Variants in GPS2 observed in about 807,000 individuals in gnomAD.
GPS2 encodes the protein GPS-2.
Under a neutral mutation model 48.1 loss-of-function variants are expected in GPS2, and 22 were observed. The observed-to-expected ratio is 0.46, with a 90% CI of 0.33 to 0.65. The LOEUF is 0.65. Ranked by LOEUF, GPS2 falls within the 30% of genes least tolerant of loss-of-function variation. The pLI, the probability that GPS2 is intolerant of heterozygous loss-of-function variation, is 0.03. For synonymous variants in GPS2, 202 were observed against 142.5 expected, an observed-to-expected ratio of 1.42 and a Z score of -2.98; for missense variants, 366 against 406.8, an observed-to-expected ratio of 0.90 and a Z score of 0.86.
chr17:7,312,794 T>G lies in GPS2; in HGVS notation c.946A>C (p.Ile316Leu). 1 of 1,614,070 alleles carries G rather than the reference T, an allele frequency of 6.2e-7. No individual in the cohort carries two copies. The highest frequency in any genetic ancestry group is 8.5e-7 in the Non-Finnish European group (1 of 1,179,992). Residue 316 changes from isoleucine (I) to leucine (L), a missense_variant, in exon 11 of 11, where the codon ATC becomes CTC. Ile to Leu is a conservative substitution (Grantham distance 5, BLOSUM62 2). This residue lies in a region of GPS2 where 275 missense variants were observed against 282.3 expected (regional missense o/e 0.97). Transcript: ENST00000380728. Reference sequence around the variant, plus strand: ...AATCGCGGGTTCTGGCTGTGTTGGATGAAGGGGAGCCGAGGGCCAGGTTGG... The same window carrying G: ...AATCGCGGGTTCTGGCTGTGTTGGAGGAAGGGGAGCCGAGGGCCAGGTTGG... ...TSQPGPRLPF[I>L]QHSQNPRFYH...
In GPS2 at chr17:7,314,661, G is replaced by A; in HGVS notation, c.95-64C>T. 18 of 1,608,720 alleles carry A rather than the reference G, an allele frequency of 1.1e-5. No homozygotes were observed. In the South Asian group the frequency reaches 1.8e-4, roughly 16 times the overall value. ...GAAAACAATTCCAACGTTACAGATT[G>A]AAGACCAGCAAAACCCAGTCATCCC... On this transcript the variant is annotated intron_variant, in intron 2 of 10. Coordinates refer to ENST00000380728, the MANE Select transcript of GPS2 (RefSeq NM_004489.5).
intron 7 of GPS2, 41 bp downstream of exon 7, chr17:7,313,527 G>T: frequency 6.2e-7 from 1 of 1,613,252 alleles, no homozygotes; most frequent in South Asian, 1.1e-5. Context: ...TTCCTCCTTT[G>T]ACCTTGAGGA....
At position 7,315,112 on chromosome 17, in the gene GPS2, G is replaced by A; in HGVS notation, c.-60C>T. 2 of 1,364,074 alleles carry A rather than the reference G, an allele frequency of 1.5e-6. No individual in the cohort carries two copies. Among genetic ancestry groups the A allele is most frequent in the South Asian group, 1.3e-5 (1 of 75,422 alleles). 84.5% of individuals were successfully genotyped at this position (1,364,074 alleles called of 1,614,324 possible). On this transcript the variant is annotated 5_prime_UTR_variant, in exon 2 of 11. Transcript: ENST00000380728. ...GGCTGTCTCTGACTGCCAGACCTCA[G>A]ACGGGGCCTGCGGGGAGGCGGGCGC... is the stretch of plus-strand genomic sequence containing the variant.
Position 7,312,849 on chromosome 17 carries a change from G to GTGA in GPS2, c.901-13_901-11dup. On this transcript the variant is annotated splice_polypyrimidine_tract_variant and intron_variant, in intron 10 of 10. Transcript: ENST00000380728. ...TAGCTGCAAAGCCCGACTGGTGGTG[G>GTGA]TGATGAAAAGAGGGCTTTGTCACTG... 2.5e-6 allele frequency: 4 copies of GTGA among 1,611,904 alleles called. No individual in the cohort carries two copies. Among genetic ancestry groups the GTGA allele is most frequent in the Non-Finnish European group, 3.4e-6 (4 of 1,178,092 alleles).
At position 7,315,114 on chromosome 17, in the gene GPS2, C is replaced by T. The variant is rs1354987619; in HGVS notation, c.-62G>A. 1.5e-6 allele frequency: 2 copies of T among 1,303,764 alleles called. No homozygotes were observed. The highest frequency in any genetic ancestry group is 2.0e-6 in the Non-Finnish European group (2 of 976,818). 80.8% of individuals were successfully genotyped at this position (1,303,764 alleles called of 1,614,324 possible). A position where few individuals can be genotyped will look rare whatever the true frequency, so the allele number is the denominator to read the frequency against. The stretch of plus-strand genomic sequence containing the variant: ...CTGTCTCTGACTGCCAGACCTCAGA[C>T]GGGGCCTGCGGGGAGGCGGGCGCTC... On this transcript the variant is annotated 5_prime_UTR_variant, in exon 2 of 11. Transcript: ENST00000380728.
At position 7,314,410 on chromosome 17, in the gene GPS2, T is replaced by C. The variant is rs992593737; in HGVS notation, c.205-7A>G. ...TCTCCTCCAACTTCAGAATCTGGGA[T>C]GGGGTGGGAAAAGAAGATGAAGGCA... On this transcript the variant is annotated splice_region_variant and splice_polypyrimidine_tract_variant and intron_variant, in intron 3 of 10. Coordinates refer to ENST00000380728, the MANE Select transcript of GPS2 (RefSeq NM_004489.5). 4 of 1,613,952 alleles carry C rather than the reference T, an allele frequency of 2.5e-6. No individual in the cohort carries two copies. The African/African-American group carries it at 5.3e-5, about 22-fold the overall frequency.
At position 7,313,037 on chromosome 17, in the gene GPS2, C is replaced by G. The variant is rs749689174; in HGVS notation, c.892G>C (p.Ala298Pro). 5.8e-6 allele frequency: 9 copies of G among 1,547,222 alleles called. No individual in the cohort carries two copies. The South Asian group carries it at 1.0e-4, about 17-fold the overall frequency. ...SPQLPVQMQP[A>P]GKSGFAATSQ... ...TCTATTACCATTCTTACCTTTCCTG[C>G]TGGCTGCATCTGCACAGGGAGCTGG... Residue 298 changes from alanine (A) to proline (P), a missense_variant, in exon 10 of 11, where the codon GCA becomes CCA. Around this residue, in one of 3 missense-constraint regions of GPS2, gnomAD observed 275 missense variants for 282.3 expected, o/e 0.97. Transcript: ENST00000380728.
rs773982297 is a variant in GPS2, at chr17:7,315,068, G to C, written c.-16C>G. 1.9e-6 allele frequency: 3 copies of C among 1,568,536 alleles called. No homozygotes were observed. The highest frequency in any genetic ancestry group is 2.7e-5 in the African/African-American group (2 of 72,800). On this transcript the variant is annotated 5_prime_UTR_variant, in exon 2 of 11. Transcript: ENST00000380728. Reference sequence around the variant, plus strand: ...GTGCGGGCATGGTGCTGCCGTGGGCGCTCGGGCCGTGGGCGCCCGGCTGTC... The same window carrying C: ...GTGCGGGCATGGTGCTGCCGTGGGCCCTCGGGCCGTGGGCGCCCGGCTGTC...
At position 7,312,895 on chromosome 17, in the gene GPS2, T is replaced by C. The variant is rs2072879704; in HGVS notation, c.901-56A>G. On this transcript the variant is annotated intron_variant, in intron 10 of 10. Coordinates refer to ENST00000380728, the MANE Select transcript of GPS2 (RefSeq NM_004489.5). ...CACTGGGCATACTCTCCCTTCCACTTAATACCCTACTGATAACCACCCCCA... is the reference window on the plus strand; with the variant it reads ...CACTGGGCATACTCTCCCTTCCACTCAATACCCTACTGATAACCACCCCCA... The C allele has an allele frequency of 2.6e-6, 4 of 1,538,478 alleles. No homozygotes were observed. The Admixed American group carries it at 5.0e-5, about 19-fold the overall frequency.
chr17:7,313,671 A>C lies in GPS2; in HGVS notation c.531T>G (p.His177Gln). 6.2e-7 allele frequency: 1 copy of C among 1,614,168 alleles called. No homozygotes were observed. The highest frequency in any genetic ancestry group is 8.5e-7 in the Non-Finnish European group (1 of 1,180,026). The change falls in exon 7 of 11, where the codon CAT becomes CAG. Residue 177 changes from histidine to glutamine, a missense_variant. This residue lies in a region of GPS2 where 275 missense variants were observed against 282.3 expected (regional missense o/e 0.97). Coordinates refer to ENST00000380728, the MANE Select transcript of GPS2 (RefSeq NM_004489.5). ...SAAAFAGTPE[H>Q]GQFQGSPGGA... Reference sequence around the variant, plus strand: ...CACCAGGACTGCCTTGGAATTGTCCATGCTCTGGTGTCCCTGCAAAAGCAG... The same window carrying C: ...CACCAGGACTGCCTTGGAATTGTCCCTGCTCTGGTGTCCCTGCAAAAGCAG...
intron 2 of GPS2, 106 bp from the exon 3 acceptor site, chr17:7,314,703 C>G (rs186566745): frequency 2.3e-5 from 37 of 1,581,540 alleles, no homozygotes; most frequent in Admixed American, 1.9e-4. Context: ...CCTGTATGCT[C>G]TTTGCCTCGA....
intron 1 of GPS2, 62 bp from the exon 2 acceptor site, chr17:7,315,181 G>T: frequency 2.0e-6 from 1 of 506,192 alleles, no homozygotes; most frequent in Non-Finnish European, 3.1e-6. Context: ...CCGTCCGCCC[G>T]GCCCGCTCGC....
Position 7,313,898 on chromosome 17 carries a change from A to G in GPS2, c.480+8T>C, listed in dbSNP as rs752143151. The G allele has an allele frequency of 5.0e-6, 8 of 1,612,298 alleles. No homozygotes were observed. Among genetic ancestry groups the G allele is most frequent in the Non-Finnish European group, 5.1e-6 (6 of 1,178,496 alleles). On this transcript the variant is annotated splice_region_variant and intron_variant, in intron 6 of 10. Coordinates refer to ENST00000380728, the MANE Select transcript of GPS2 (RefSeq NM_004489.5). ...TACTAGGGGCTAGGCATCCAATCCT[A>G]CTCTCACCGTAAGCACTTGGGGTCC...
In GPS2 at chr17:7,313,486, C is replaced by T. The variant is rs369961663; in HGVS notation, c.635-17G>A. 2 of 1,613,970 alleles carry T rather than the reference C, an allele frequency of 1.2e-6. No individual in the cohort carries two copies. Among genetic ancestry groups the T allele is most frequent in the Non-Finnish European group, 1.7e-6 (2 of 1,179,824 alleles). On this transcript the variant is annotated splice_polypyrimidine_tract_variant and intron_variant, in intron 7 of 10. Coordinates refer to ENST00000380728, the MANE Select transcript of GPS2 (RefSeq NM_004489.5). ...CCGAAGGAGCTGAGAAAGGAAAAGA[C>T]AGAGCCATTAAAATCTTTTACTGAA... is the stretch of plus-strand genomic sequence containing the variant.
rs763892022 is a variant in GPS2 at position 7,313,920 on chromosome 17, G to T, written c.466C>A (p.Pro156Thr). The T allele has an allele frequency of 3.7e-6, 6 of 1,613,746 alleles. No individual in the cohort carries two copies. The highest frequency in any genetic ancestry group is 1.3e-5 in the African/African-American group (1 of 74,892). The change falls in exon 6 of 11, where the codon CCC (proline) becomes ACC (threonine). Residue 156 changes from proline (P) to threonine (T), a missense_variant. By Grantham distance (38) the Pro-to-Thr change is conservative (BLOSUM62 -1). Coordinates refer to ENST00000380728, the MANE Select transcript of GPS2 (RefSeq NM_004489.5). Reference protein sequence around the residue: ...AADRAKQMFGPQVLTTRHYVG... With the variant: ...AADRAKQMFGTQVLTTRHYVG... ...CCTACTCTCACCGTAAGCACTTGGGGTCCAAACATTTGTTTGGCTCTGTCA... is the reference window on the plus strand; with the variant it reads ...CCTACTCTCACCGTAAGCACTTGGGTTCCAAACATTTGTTTGGCTCTGTCA...
chr17:7,315,085 C>T lies in GPS2; in HGVS notation c.-33G>A. 3 of 1,528,086 alleles carry T rather than the reference C, an allele frequency of 2.0e-6. No homozygotes were observed. Among genetic ancestry groups the T allele is most frequent in the Non-Finnish European group, 2.6e-6 (3 of 1,133,966 alleles). 94.7% of individuals were successfully genotyped at this position (1,528,086 alleles called of 1,614,324 possible). ...CCGTGGGCGCTCGGGCCGTGGGCGC[C>T]CGGCTGTCTCTGACTGCCAGACCTC... On this transcript the variant is annotated 5_prime_UTR_variant, in exon 2 of 11. Transcript: ENST00000380728.
intron 2 of GPS2, 125 bp downstream of exon 2, chr17:7,314,834 G>A (rs1444906689): frequency 2.3e-6 from 3 of 1,305,040 alleles, no homozygotes; most frequent in Non-Finnish European, 2.2e-6. Context: ...CCACCACAAC[G>A]GGGCTATTCC....
At chr17:7,314,234 C>T in intron 4 of GPS2, 57 bp downstream of exon 4, 1 of 1,591,348 alleles carries the variant, frequency 6.3e-7, no homozygotes, top group South Asian at 1.1e-5. Context: ...GGTTCTTTTA[C>T]TACCTGATCC....
chr17:7,315,070 TCGGGCCGTGGGCGCC>T lies in GPS2; in HGVS notation c.-33_-19del. ...GCGGGCATGGTGCTGCCGTGGGCGCTCGGGCCGTGGGCGCCCGGCTGTCTCTGACTGCCAGACCTC... is the reference window on the plus strand; with the variant it reads ...GCGGGCATGGTGCTGCCGTGGGCGCTCGGCTGTCTCTGACTGCCAGACCTC... On this transcript the variant is annotated 5_prime_UTR_variant, in exon 2 of 11. Transcript: ENST00000380728. The T allele has an allele frequency of 6.4e-7, 1 of 1,566,368 alleles. No homozygotes were observed. The highest frequency in any genetic ancestry group is 8.6e-7 in the Non-Finnish European group (1 of 1,157,614).
Sources: gnomAD v4.1 joint callset for allele counts on GRCh38, gnomAD v4.1.1 for gene constraint, gnomAD v4.1.1 regional missense constraint, MANE v1.5 for transcripts, NCBI Gene and HGNC (gene_info 2026-07-23, HGNC 2026-07-21) for gene names.